The following RPH3A variants were observed in gnomAD, a reference collection of about 807,000 sequenced individuals.
RPH3A encodes rabphilin 3A, also known as rabphilin-3A.
A neutral mutation model predicts 102.2 loss-of-function variants in RPH3A; 48 were observed. The observed-to-expected ratio is 0.47, with a 90% CI of 0.37 to 0.60. RPH3A has a LOEUF of 0.60. RPH3A is among the 20% of genes least tolerant of loss of function. The pLI is 0.00. For synonymous variants in RPH3A, 310 were observed against 324.3 expected (o/e 0.96, Z 0.47); for missense variants, 781 against 910.1 (o/e 0.86, Z 1.83).
chr12:112,716,158 T>C (rs2040512166), intron 1 of RPH3A, among the ~76,000 whole-genome samples: 1 of 152,216 alleles, frequency 6.6e-6, no homozygotes, highest in South Asian at 2.1e-4. Context: ...CCTTACCGCG[T>C]GCAGTTTTAT....
intron 1 of RPH3A, among the ~76,000 whole-genome samples, chr12:112,660,244 T>C (rs995381794): frequency 1.2e-4 from 19 of 152,196 alleles, no homozygotes; most frequent in African/African-American, 4.6e-4. Flanking sequence ...TTGAAAACCA[T>C]AGAACTCTAA....
At chr12:112,695,347 GT>G (rs950977227) in intron 1 of RPH3A, among the ~76,000 whole-genome samples, 7 of 152,114 alleles carry the variant, frequency 4.6e-5, no homozygotes, top group African/African-American at 1.7e-4. Context: ...AAGGTTAACA[GT>G]TTTGAAGGAG....
intron 1 of RPH3A, among the ~76,000 whole-genome samples, chr12:112,768,068 AAAC>A (rs1241964338): frequency 6.6e-6 from 1 of 152,204 alleles, no homozygotes; most frequent in Non-Finnish European, 1.5e-5. Context: ...AATATACTGA[AAAC>A]AATTGAATTG....
intron 1 of RPH3A, among the ~76,000 whole-genome samples, chr12:112,586,989 A>G (rs12580178): frequency 0.49 from 74,505 of 152,086 alleles, 22,144 homozygotes; most frequent in East Asian, 0.88. Flanking sequence ...CTCTTCTTGG[A>G]TTAGGAATTT....
chr12:112,725,105 C>T lies in RPH3A; in HGVS notation c.-139-67038C>T, dbSNP rs575356489. On this transcript the variant is annotated intron_variant, in intron 1 of 21. Coordinates refer to the RPH3A transcript ENST00000543106. ...CTCTACTAAAAATACAAAAATTAGC[C>T]GGGCATGGTGGCATACGCCTGTAAT... 6.6e-5 allele frequency among the ~76,000 whole-genome samples: 10 copies of T among 151,556 alleles called. No individual in the cohort carries two copies. The East Asian group carries it at 1.8e-3, about 27-fold the overall frequency.
intron 1 of RPH3A, among the ~76,000 whole-genome samples, chr12:112,640,709 A>G (rs2039882783): frequency 6.6e-6 from 1 of 152,096 alleles, no homozygotes; most frequent in Admixed American, 6.6e-5. Flanking sequence ...GGAATTTAAT[A>G]CCCTTTGCAA....
At chr12:112,585,137 A>G (rs930744485) in intron 1 of RPH3A, among the ~76,000 whole-genome samples, 5 of 152,218 alleles carry the variant, frequency 3.3e-5, no homozygotes, top group African/African-American at 1.2e-4. Context: ...GCAGGCTGGA[A>G]GACTCAGCCA....
At chr12:112,684,531 G>T (rs1427785201) in intron 1 of RPH3A, among the ~76,000 whole-genome samples, 1 of 151,906 alleles carries the variant, frequency 6.6e-6, no homozygotes, top group Non-Finnish European at 1.5e-5. Flanking sequence ...GCCTCCCAAG[G>T]TACTGGAGTT....
intron 1 of RPH3A, among the ~76,000 whole-genome samples, chr12:112,699,990 T>G (rs761300322): frequency 3.9e-5 from 6 of 152,186 alleles, no homozygotes; most frequent in Non-Finnish European, 8.8e-5. Context: ...GTTAAATAAC[T>G]GTTAGCCATG....
At chr12:112,720,496 T>C (rs2040543179) in intron 1 of RPH3A, among the ~76,000 whole-genome samples, 1 of 152,246 alleles carries the variant, frequency 6.6e-6, no homozygotes, top group African/African-American at 2.4e-5. Flanking sequence ...AGATTTATGA[T>C]AACCAGGAGA....
At chr12:112,826,140 G>A (rs12319529) in intron 2 of RPH3A, among the ~76,000 whole-genome samples, 1,862 of 152,238 alleles carry the variant, frequency 0.012, 37 homozygotes, top group African/African-American at 0.042. Context: ...GGTCAGGGAG[G>A]CCCTCTTGGA....
intron 4 of RPH3A, among the ~76,000 whole-genome samples, chr12:112,847,151 T>C (rs1237833161): frequency 1.3e-5 from 2 of 152,170 alleles, no homozygotes; most frequent in Non-Finnish European, 2.9e-5. Context: ...ATAGATGTTA[T>C]GTCAGTGTTC....
intron 1 of RPH3A, among the ~76,000 whole-genome samples, chr12:112,705,690 TATGTTTAA>T (rs1007383454): frequency 6.6e-6 from 1 of 152,212 alleles, no homozygotes; most frequent in African/African-American, 2.4e-5. Context: ...ACTTGTTTAA[TATGTTTAA>T]ATGTTTAAAT....
At chr12:112,660,118 C>T (rs1331606570) in intron 1 of RPH3A, among the ~76,000 whole-genome samples, 6 of 151,972 alleles carry the variant, frequency 3.9e-5, no homozygotes, top group Admixed American at 2.6e-4. Flanking sequence ...ATATTATATG[C>T]ATTGATAAAC....
At chr12:112,807,556 T>C (rs538990245) in intron 2 of RPH3A, among the ~76,000 whole-genome samples, 2 of 152,332 alleles carry the variant, frequency 1.3e-5, no homozygotes, top group East Asian at 3.9e-4. Flanking sequence ...TCTCAGTTTC[T>C]TCATGTGGGA....
chr12:112,798,734 T>G (rs1365939860), intron 2 of RPH3A, among the ~76,000 whole-genome samples: 2 of 151,936 alleles, frequency 1.3e-5, no homozygotes, highest in African/African-American at 4.8e-5. Context: ...TGTCTTTATC[T>G]CTCCCCCTCT....
chr12:112,614,504 T>C (rs1423010306), intron 1 of RPH3A, among the ~76,000 whole-genome samples: 2 of 147,824 alleles, frequency 1.4e-5, no homozygotes, highest in Non-Finnish European at 3.0e-5. Flanking sequence ...GACATCACGG[T>C]GTAACCCTGT....
In RPH3A at chr12:112,827,051, C is replaced by G. The variant is rs376297717; in HGVS notation, c.-18-1250C>G. The stretch of plus-strand genomic sequence containing the variant: ...AAACAGTGTTCCAAAGTGGTGACAC[C>G]ATTTTTTTCAGCTTTATTGAGATAT... On this transcript the variant is annotated intron_variant, in intron 2 of 21. Coordinates refer to ENST00000389385, the MANE Select transcript of RPH3A (RefSeq NM_001143854.2). Among the ~76,000 whole-genome samples, 77 of 152,184 alleles carry G rather than the reference C, an allele frequency of 5.1e-4. No individual in the cohort carries two copies. The South Asian group carries it at 0.015, about 29-fold the overall frequency.
intron 7 of RPH3A, 23 bp downstream of exon 7, chr12:112,866,863 G>T: frequency 6.3e-7 from 1 of 1,582,796 alleles, no homozygotes; most frequent in Non-Finnish European, 8.6e-7. Context: ...GTCCCACCTG[G>T]TGCCTAGATC....
Sources: gnomAD v4.1 joint callset for allele counts (sites outside exome capture counted in the v4.1 genomes callset) on GRCh38, gnomAD v4.1.1 for gene constraint, MANE v1.5 for transcripts, NCBI Gene and HGNC (gene_info 2026-07-23, HGNC 2026-07-21) for gene names.